Variants in CCDC192 observed in about 807,000 individuals in gnomAD.
CCDC192 encodes coiled-coil domain containing 192.
chr5:127,754,230 A>G (rs972833310), intron 2 of CCDC192, 38 bp from the exon 3 acceptor site: 2 of 397,886 alleles, frequency 5.0e-6, no homozygotes, highest in Admixed American at 4.4e-5. Context: ...CAAACTATCC[A>G]TGTCAAAAAG....
chr5:127,915,565 T>A (rs1753496528), intron 6 of CCDC192, among the ~76,000 whole-genome samples: 1 of 152,106 alleles, frequency 6.6e-6, no homozygotes, highest in South Asian at 2.1e-4. Context: ...GTATTTTGAG[T>A]AGAGACAGGG....
At position 127,781,980 on chromosome 5, in the gene CCDC192, C is replaced by G. The variant is rs941748069; in HGVS notation, c.223-15123C>G. Reference sequence around the variant, plus strand: ...ATTATGTTGGCTGTGGGTTTGTCATCTTTTATTACATTGAGGTGTATCCCT... The same window carrying G: ...ATTATGTTGGCTGTGGGTTTGTCATGTTTTATTACATTGAGGTGTATCCCT... On this transcript the variant is annotated intron_variant, in intron 3 of 6. Coordinates refer to ENST00000514853, the MANE Select transcript of CCDC192 (RefSeq NM_001317938.2). 4.6e-5 allele frequency among the ~76,000 whole-genome samples: 7 copies of G among 151,836 alleles called. No homozygotes were observed. The South Asian group carries it at 1.5e-3, about 32-fold the overall frequency.
chr5:127,771,142 G>A (rs899411347), intron 3 of CCDC192, among the ~76,000 whole-genome samples: 4 of 152,148 alleles, frequency 2.6e-5, no homozygotes, highest in Admixed American at 2.0e-4. Context: ...TACTACTAAG[G>A]CCATGAAACT....
chr5:127,888,230 A>G (rs1275601985), intron 6 of CCDC192, among the ~76,000 whole-genome samples: 1 of 151,874 alleles, frequency 6.6e-6, no homozygotes, highest in Non-Finnish European at 1.5e-5. Context: ...AGCCTGGCAA[A>G]CATGGTGAAA....
At chr5:127,763,842 C>T (rs549914147) in intron 3 of CCDC192, among the ~76,000 whole-genome samples, 1 of 152,286 alleles carries the variant, frequency 6.6e-6, no homozygotes, top group East Asian at 1.9e-4. Context: ...ACTTTCTCTA[C>T]TTCCTCTTAT....
At chr5:127,805,825 C>T (rs1365854178) in intron 5 of CCDC192, among the ~76,000 whole-genome samples, 1 of 152,206 alleles carries the variant, frequency 6.6e-6, no homozygotes, top group African/African-American at 2.4e-5. Context: ...TTTAGCCCCT[C>T]ATTTTAACCC....
At chr5:127,873,170 AC>A (rs1334772240) in intron 5 of CCDC192, among the ~76,000 whole-genome samples, 1 of 152,122 alleles carries the variant, frequency 6.6e-6, no homozygotes, top group Non-Finnish European at 1.5e-5. Flanking sequence ...TTCTCACCTC[AC>A]TGCATTTATT....
chr5:127,918,216 T>TAAAAAAAAAAAA (rs1219307107), intron 6 of CCDC192, among the ~76,000 whole-genome samples: 42 of 100,388 alleles, frequency 4.2e-4, no homozygotes, highest in African/African-American at 1.8e-3. Flanking sequence ...CTTCAATTTG[T>TAAAAAAAAAAAA]AAAAAAAAAA....
chr5:127,867,764 C>A (rs1751673725), intron 5 of CCDC192, among the ~76,000 whole-genome samples: 1 of 152,166 alleles, frequency 6.6e-6, no homozygotes, highest in African/African-American at 2.4e-5. Context: ...TCAGTTTTTT[C>A]TTTGCTATGC....
At chr5:127,933,982 C>T (rs1179350968) in intron 6 of CCDC192, among the ~76,000 whole-genome samples, 1 of 152,200 alleles carries the variant, frequency 6.6e-6, no homozygotes, top group Non-Finnish European at 1.5e-5. Context: ...CTAAGGCATC[C>T]TAAGCAGACT....
At chr5:127,726,096 A>C (rs1463951030) in intron 2 of CCDC192, among the ~76,000 whole-genome samples, 1 of 152,158 alleles carries the variant, frequency 6.6e-6, no homozygotes, top group Non-Finnish European at 1.5e-5. Flanking sequence ...AAGATCTCAC[A>C]ATATGTCTTA....
At chr5:127,887,193 G>T (rs1752590371) in intron 6 of CCDC192, among the ~76,000 whole-genome samples, 1 of 151,984 alleles carries the variant, frequency 6.6e-6, no homozygotes, top group Admixed American at 6.6e-5. Context: ...ACTGGGTGTG[G>T]TGGTGCATGC....
At chr5:127,895,827 G>A (rs528390649) in intron 6 of CCDC192, among the ~76,000 whole-genome samples, 3 of 150,174 alleles carry the variant, frequency 2.0e-5, no homozygotes, top group South Asian at 4.2e-4. Flanking sequence ...GGTGACAGCC[G>A]TACCCTGTCT....
chr5:127,906,392 A>G (rs1452148266), intron 6 of CCDC192, among the ~76,000 whole-genome samples: 1 of 152,210 alleles, frequency 6.6e-6, no homozygotes, highest in African/African-American at 2.4e-5. Context: ...TTGTATGTAT[A>G]TAACACATTT....
intron 2 of CCDC192, among the ~76,000 whole-genome samples, chr5:127,740,727 T>C (rs2126839735): frequency 6.6e-6 from 1 of 152,258 alleles, no homozygotes; most frequent in South Asian, 2.1e-4. Context: ...ATAGCAAAAT[T>C]TATACAACAA....
intron 5 of CCDC192, among the ~76,000 whole-genome samples, chr5:127,807,326 C>T (rs1580691569): frequency 6.6e-6 from 1 of 152,092 alleles, no homozygotes; most frequent in African/African-American, 2.4e-5. Context: ...TAATTAAAGA[C>T]AAAATTGCTT....
intron 5 of CCDC192, among the ~76,000 whole-genome samples, chr5:127,799,521 G>A (rs564230341): frequency 3.7e-4 from 56 of 152,224 alleles, no homozygotes; most frequent in African/African-American, 1.2e-3. Context: ...AGGATGTCCC[G>A]TCACGACATT....
chr5:127,749,366 A>T (rs1753984297), intron 2 of CCDC192, among the ~76,000 whole-genome samples: 1 of 152,268 alleles, frequency 6.6e-6, no homozygotes, highest in African/African-American at 2.4e-5. Flanking sequence ...ATCTATTGAG[A>T]TAATCATGTG....
chr5:127,917,447 C>T (rs540398490), intron 6 of CCDC192, among the ~76,000 whole-genome samples: 102 of 152,338 alleles, frequency 6.7e-4, no homozygotes, highest in South Asian at 2.5e-3. Flanking sequence ...TTTCAGCATG[C>T]TTTCCTCACT....
Sources: gnomAD v4.1 joint callset for allele counts (sites outside exome capture counted in the v4.1 genomes callset) on GRCh38, gnomAD v4.1.1 for gene constraint, MANE v1.5 for transcripts, NCBI Gene and HGNC (gene_info 2026-07-23, HGNC 2026-07-21) for gene names.